The following TNS3 variants were observed in gnomAD, a reference collection of about 807,000 sequenced individuals.
TNS3 encodes the protein tensin-3.
TNS3 carries 45 observed loss-of-function variants against 140.9 expected under a neutral mutation model. The ratio of observed to expected loss-of-function variants is 0.32; its 90% CI spans 0.25 to 0.41. The LOEUF is 0.41. Ranked by LOEUF, TNS3 falls within the 10% of genes least tolerant of loss-of-function variation. The pLI is 1.00. For synonymous variants in TNS3, 815 were observed against 788.4 expected (o/e 1.03, Z -0.56); for missense variants, 1,716 against 1,906.7 (o/e 0.90, Z 1.86).
At chr7:47,343,195 G>A (rs140207823) in intron 20 of TNS3, among the ~76,000 whole-genome samples, 4 of 152,338 alleles carry the variant, frequency 2.6e-5, no homozygotes, top group African/African-American at 9.6e-5. Flanking sequence ...TCCACGCACA[G>A]GACATGGAGC....
chr7:47,398,719 C>G (rs1792977078), intron 15 of TNS3, among the ~76,000 whole-genome samples: 1 of 152,124 alleles, frequency 6.6e-6, no homozygotes, highest in African/African-American at 2.4e-5. Flanking sequence ...CAATGTCATA[C>G]TGAATGGGGA....
At chr7:47,380,666 C>T (rs1791697502) in intron 16 of TNS3, among the ~76,000 whole-genome samples, 1 of 152,162 alleles carries the variant, frequency 6.6e-6, no homozygotes, top group African/African-American at 2.4e-5. Flanking sequence ...TCTCAGCAGG[C>T]ACACAGCTCA....
chr7:47,545,941 T>TG (rs1799908435), intron 1 of TNS3, among the ~76,000 whole-genome samples: 2 of 152,206 alleles, frequency 1.3e-5, no homozygotes, highest in Non-Finnish European at 2.9e-5. Flanking sequence ...TCCACAGTCT[T>TG]GGGGGAACCC....
At chr7:47,400,954 G>C (rs933101665) in intron 13 of TNS3, 40 bp from the exon 14 acceptor site, 5 of 1,611,392 alleles carry the variant, frequency 3.1e-6, no homozygotes, top group Non-Finnish European at 4.2e-6. Flanking sequence ...TAGCTGCAGC[G>C]GGGGACACAC....
chr7:47,543,618 T>G (rs1352187986), intron 1 of TNS3, among the ~76,000 whole-genome samples: 1 of 152,184 alleles, frequency 6.6e-6, no homozygotes, highest in Non-Finnish European at 1.5e-5. Context: ...AAGCAGGACT[T>G]GAAAGCAGTA....
At chr7:47,464,514 A>T (rs1437063544) in intron 4 of TNS3, among the ~76,000 whole-genome samples, 1 of 152,120 alleles carries the variant, frequency 6.6e-6, no homozygotes, top group African/African-American at 2.4e-5. Context: ...CCAGCAAGTC[A>T]TCTCCTAGAA....
chr7:47,493,662 C>CAAA (rs58803590), intron 3 of TNS3, among the ~76,000 whole-genome samples: 1 of 118,872 alleles, frequency 8.4e-6, no homozygotes, highest in East Asian at 2.8e-4. Flanking sequence ...ACTAAAAATA[C>CAAA]AAAAAAAAAA....
chr7:47,358,673 C>T (rs1044790977), intron 17 of TNS3, among the ~76,000 whole-genome samples: 8 of 152,320 alleles, frequency 5.3e-5, no homozygotes, highest in African/African-American at 1.9e-4. Context: ...GCTCACCCCT[C>T]ATCCCAGGTC....
chr7:47,570,099 A>G (rs975032363), intron 1 of TNS3, among the ~76,000 whole-genome samples: 3 of 152,160 alleles, frequency 2.0e-5, no homozygotes, highest in Non-Finnish European at 2.9e-5. Context: ...GCAGTGAGCC[A>G]AGATCACTCC....
chr7:47,478,598 A>G (rs1295714146), intron 4 of TNS3, among the ~76,000 whole-genome samples: 1 of 152,182 alleles, frequency 6.6e-6, no homozygotes, highest in Non-Finnish European at 1.5e-5. Context: ...ATATATTCAC[A>G]TGTGTAACAT....
intron 1 of TNS3, among the ~76,000 whole-genome samples, chr7:47,560,116 C>T (rs1205627531): frequency 6.6e-6 from 1 of 151,948 alleles, no homozygotes; most frequent in African/African-American, 2.4e-5. Flanking sequence ...TGTGACCCGC[C>T]CCCCTACCCC....
chr7:47,375,724 T>G (rs1362021992), intron 16 of TNS3, among the ~76,000 whole-genome samples: 2 of 152,222 alleles, frequency 1.3e-5, no homozygotes, highest in African/African-American at 4.8e-5. Context: ...CCAACTGTGC[T>G]CCCCGGCATG....
At chr7:47,291,702 A>C (rs1785711859) in intron 27 of TNS3, among the ~76,000 whole-genome samples, 1 of 152,092 alleles carries the variant, frequency 6.6e-6, no homozygotes, top group Non-Finnish European at 1.5e-5. Context: ...TTTCCCCCAA[A>C]CTAAATCCAG....
intron 16 of TNS3, among the ~76,000 whole-genome samples, chr7:47,376,225 G>T (rs1465559023): frequency 2.0e-5 from 3 of 152,210 alleles, no homozygotes; most frequent in African/African-American, 7.2e-5. Context: ...GAGATGGAAA[G>T]GGTGGTGGGC....
chr7:47,290,627 A>G (rs1346574623), intron 27 of TNS3, among the ~76,000 whole-genome samples: 2 of 152,242 alleles, frequency 1.3e-5, no homozygotes, highest in Non-Finnish European at 2.9e-5. Context: ...ATCAGAAACA[A>G]TGAGATACCA....
intron 1 of TNS3, among the ~76,000 whole-genome samples, chr7:47,568,577 AG>A (rs944925363): frequency 1.1e-4 from 16 of 152,264 alleles, no homozygotes; most frequent in African/African-American, 3.6e-4. Flanking sequence ...CTCCCCGCAC[AG>A]GGCCTCACAC....
chr7:47,415,253 C>A, intron 10 of TNS3, 47 bp from the exon 11 acceptor site: 1 of 1,400,688 alleles, frequency 7.1e-7, no homozygotes. Flanking sequence ...TGTCTTCAGC[C>A]TCTGCTGAGA....
At chr7:47,413,120 A>G (rs1374669253) in intron 12 of TNS3, among the ~76,000 whole-genome samples, 1 of 151,730 alleles carries the variant, frequency 6.6e-6, no homozygotes, top group Non-Finnish European at 1.5e-5. Context: ...TGCCCAGCTA[A>G]TTTTTGTATT....
intron 16 of TNS3, among the ~76,000 whole-genome samples, chr7:47,389,025 A>C (rs796572771): frequency 2.2e-4 from 1 of 4,584 alleles, no homozygotes. Flanking sequence ...GAAGAAGAAG[A>C]AGAAGAAGAA....
Sources: allele counts gnomAD v4.1 joint callset (sites outside exome capture counted in the v4.1 genomes callset), GRCh38; gene constraint gnomAD v4.1.1; transcripts MANE v1.5; gene names NCBI Gene and HGNC (gene_info 2026-07-23, HGNC 2026-07-21).